The following ECI2 variants were observed in gnomAD, a reference collection of about 807,000 sequenced individuals.
ECI2 encodes the protein D3,D2-enoyl-CoA isomerase.
In ECI2, 27 loss-of-function variants were observed where a neutral mutation model predicts 38.4. The ratio of observed to expected loss-of-function variants is 0.70; its 90% CI spans 0.52 to 0.97. ECI2 has a LOEUF of 0.97. ECI2 is among the 50% of genes least tolerant of loss of function. The pLI, the probability that ECI2 is intolerant of heterozygous loss-of-function variation, is 0.00. For missense variants in ECI2, 470 were observed against 474.4 expected, an observed-to-expected ratio of 0.99 and a Z score of 0.09; for synonymous variants, 168 against 172.0, an observed-to-expected ratio of 0.98 and a Z score of 0.18.
At chr6:4,127,688 TA>T (rs1773259929) in intron 5 of ECI2, 73 bp downstream of exon 5, 1 of 1,505,762 alleles carries the variant, frequency 6.6e-7, no homozygotes, top group East Asian at 2.3e-5. Context: ...TAGAGCTTTT[TA>T]ACTCAATTTC....
intron 2 of ECI2, among the ~76,000 whole-genome samples, chr6:4,131,522 T>A (rs1372104335): frequency 2.0e-5 from 3 of 152,186 alleles, no homozygotes; most frequent in Non-Finnish European, 4.4e-5. Context: ...TTAAAATTTT[T>A]AAAATTTTAT....
In ECI2 at chr6:4,117,399, G is replaced by C; in HGVS notation, c.938C>G (p.Ala313Gly). The C allele has an allele frequency of 1.9e-6, 3 of 1,614,126 alleles. No individual in the cohort carries two copies. The highest frequency in any genetic ancestry group is 2.5e-6 in the Non-Finnish European group (3 of 1,179,990). The change falls in exon 9 of 10, where the codon GCT becomes GGT. Residue 313 changes from alanine to glycine, a missense_variant. Physicochemically the swap from Ala to Gly is moderately conservative, Grantham distance 60. Transcript: ENST00000380118. ...GKKLTAGEAC[A>G]QGLVTEVFPD... ...GAAAACTTCAGTAACAAGTCCTTGA[G>C]CACATGCCTCTCCCGCTGTTAACTT... is the stretch of plus-strand genomic sequence containing the variant.
chr6:4,116,126 A>C (rs1581958471), intron 9 of ECI2, 97 bp from the exon 10 acceptor site: 1 of 1,369,998 alleles, frequency 7.3e-7, no homozygotes, highest in African/African-American at 1.5e-5. Context: ...CGAGGCGGGC[A>C]GATCAGTTGA....
intron 1 of ECI2, 155 bp downstream of exon 1, chr6:4,135,356 C>G: frequency 6.7e-7 from 1 of 1,496,232 alleles, no homozygotes; most frequent in African/African-American, 1.4e-5. Context: ...GAGGTCGTCA[C>G]TTTTTAGCAC....
At chr6:4,123,549 C>T (rs1437128225) in intron 7 of ECI2, among the ~76,000 whole-genome samples, 1 of 149,440 alleles carries the variant, frequency 6.7e-6, no homozygotes, top group Non-Finnish European at 1.5e-5. Context: ...TATATATATG[C>T]AATATACATA....
In ECI2 at chr6:4,132,560, G is replaced by A. The variant is rs1240376194; in HGVS notation, c.213+989C>T. On this transcript the variant is annotated intron_variant, in intron 2 of 9. Transcript: ENST00000380118. ...AAAGAGAAGCTCATACCCATCATAGGACAGAAAAATAGATAACACAGGAGC... is the reference window on the plus strand; with the variant it reads ...AAAGAGAAGCTCATACCCATCATAGAACAGAAAAATAGATAACACAGGAGC... 2.0e-5 allele frequency among the ~76,000 whole-genome samples: 3 copies of A among 152,092 alleles called. No homozygotes were observed. The East Asian group carries it at 5.8e-4, about 29-fold the overall frequency.
At chr6:4,133,458 T>G in intron 2 of ECI2, 91 bp downstream of exon 2, 1 of 1,470,354 alleles carries the variant, frequency 6.8e-7, no homozygotes, top group Non-Finnish European at 9.2e-7. Context: ...ACCAAAATGT[T>G]AAGGCCACAT....
chr6:4,116,740 G>A (rs1338484283), intron 9 of ECI2, among the ~76,000 whole-genome samples: 8 of 152,024 alleles, frequency 5.3e-5, no homozygotes, highest in Non-Finnish European at 7.4e-5. Flanking sequence ...CACTGTTCTC[G>A]GCCCTAATGC....
intron 4 of ECI2, among the ~76,000 whole-genome samples, chr6:4,129,175 T>C (rs944113288): frequency 2.1e-5 from 3 of 143,462 alleles, no homozygotes; most frequent in African/African-American, 2.5e-5. Context: ...TAGAGTGCAA[T>C]AGCATGATCT....
In ECI2 at chr6:4,115,947, A is replaced by C. The variant is rs776589979; in HGVS notation, c.1112T>G (p.Leu371Arg). 8.1e-6 allele frequency: 13 copies of C among 1,614,114 alleles called. No individual in the cohort carries two copies. The highest frequency in any genetic ancestry group is 1.7e-5 in the Admixed American group (1 of 60,010). Residue 371 changes from leucine (L) to arginine (R), a missense_variant, in exon 10 of 10, where the codon CTT becomes CGT. Transcript: ENST00000380118. Reference sequence around the variant, plus strand: ...TTCATCTGATAGCCATCTTCCCTGAAGGACATTGCATTCTTCAGCATTAAC... The same window carrying C: ...TTCATCTGATAGCCATCTTCCCTGACGGACATTGCATTCTTCAGCATTAAC... Reference protein sequence around the residue: ...HAVNAEECNVLQGRWLSDECT... With the variant: ...HAVNAEECNVRQGRWLSDECT...
At chr6:4,130,934 A>G (rs1296641140) in intron 2 of ECI2, 69 bp from the exon 3 acceptor site, 2 of 1,470,256 alleles carry the variant, frequency 1.4e-6, no homozygotes, top group Non-Finnish European at 1.9e-6. Flanking sequence ...TTTAAGATCC[A>G]TAAAATCTGT....
intron 7 of ECI2, among the ~76,000 whole-genome samples, chr6:4,122,224 C>CTTT (rs34646177): frequency 1.4e-5 from 2 of 142,968 alleles, no homozygotes; most frequent in Admixed American, 7.0e-5. Flanking sequence ...TCCTTCTTTG[C>CTTT]TTTTTTTTTT....
In ECI2 at chr6:4,130,814, T is replaced by C. The variant is rs1390040009; in HGVS notation, c.265A>G (p.Asn89Asp). The change falls in exon 3 of 10, where the codon AAC (asparagine) becomes GAC (aspartate). Residue 89 changes from asparagine to aspartate, a missense_variant. Asn to Asp is a conservative substitution (Grantham distance 23, BLOSUM62 1). Coordinates refer to ENST00000380118, the MANE Select transcript of ECI2 (RefSeq NM_206836.3). ...MPKPGVFDLINKAKWDAWNAL... is the reference protein window; with the variant it reads ...MPKPGVFDLIDKAKWDAWNAL... ...TTCCATGCGTCCCATTTGGCCTTGT[T>C]GATCAAGTCAAATACACCTGGTTTG... The C allele has an allele frequency of 6.2e-7, 1 of 1,614,228 alleles. No individual in the cohort carries two copies. The highest frequency in any genetic ancestry group is 1.7e-5 in the Admixed American group (1 of 60,032).
rs976895519 is a variant in ECI2, at chr6:4,117,356, C to A, written c.981G>T (p.Gln327His). The change falls in exon 9 of 10, where the codon CAG becomes CAT. Residue 327 changes from glutamine (Q) to histidine (H), a missense_variant. Transcript: ENST00000380118. The stretch of plus-strand genomic sequence containing the variant: ...CCTTCAGCCTGGTCCAGACTTCTTT[C>A]TGAAAAGTGCTATCAGGGAAAACTT... ...VTEVFPDSTF[Q>H]KEVWTRLKAF... 20 of 1,613,734 alleles carry A rather than the reference C, an allele frequency of 1.2e-5. No individual in the cohort carries two copies. In the Admixed American group the frequency reaches 3.3e-4, roughly 27 times the overall value.
Position 4,119,251 on chromosome 6 carries a change from G to T in ECI2, c.820C>A (p.His274Asn). 1 of 1,613,346 alleles carries T rather than the reference G, an allele frequency of 6.2e-7. No homozygotes were observed. Among genetic ancestry groups the T allele is most frequent in the South Asian group, 1.1e-5 (1 of 91,010 alleles). Reference sequence around the variant, plus strand: ...CATCCTTCCGGACTTTGGCCTAGGTGACTAAATGGTGTATGAAATGTTGCC... The same window carrying T: ...CATCCTTCCGGACTTTGGCCTAGGTTACTAAATGGTGTATGAAATGTTGCC... Reference protein sequence around the residue: ...DRATFHTPFSHLGQSPEGCSS... With the variant: ...DRATFHTPFSNLGQSPEGCSS... Residue 274 changes from histidine to asparagine, a missense_variant, in exon 8 of 10, where the codon CAC becomes AAC. Transcript: ENST00000380118.
At chr6:4,125,762 T>C in intron 6 of ECI2, 1 of 417,676 alleles carries the variant, frequency 2.4e-6, no homozygotes, top group South Asian at 2.2e-5. Context: ...CATGACCTCC[T>C]CCTGTGTTTA....
At chr6:4,125,963 A>G (rs762607485) in intron 6 of ECI2, 172 bp downstream of exon 6, 1 of 691,804 alleles carries the variant, frequency 1.4e-6, no homozygotes, top group South Asian at 1.5e-5. Context: ...TCAAAGAGAA[A>G]GAATGAATGC....
intron 1 of ECI2, among the ~76,000 whole-genome samples, chr6:4,134,525 C>T (rs144943280): frequency 2.6e-5 from 4 of 152,160 alleles, no homozygotes; most frequent in Admixed American, 1.3e-4. Flanking sequence ...ACGACGATGA[C>T]ACTGAATAAT....
intron 7 of ECI2, 113 bp downstream of exon 7, chr6:4,125,137 T>C (rs1237527198): frequency 1.3e-6 from 2 of 1,505,078 alleles, no homozygotes; most frequent in Non-Finnish European, 1.8e-6. Context: ...ATTCAGTTAA[T>C]TCTACCACAA....
Sources: gnomAD v4.1 joint callset for allele counts (sites outside exome capture counted in the v4.1 genomes callset) on GRCh38, gnomAD v4.1.1 for gene constraint, MANE v1.5 for transcripts, NCBI Gene and HGNC (gene_info 2026-07-23, HGNC 2026-07-21) for gene names.